DARS1: variants seen among roughly 807,000 people sequenced by gnomAD.
DARS1 encodes aspartate--tRNA ligase, cytoplasmic.
Under a neutral mutation model 68.8 loss-of-function variants are expected in DARS1, and 51 were observed. The observed-to-expected ratio is 0.74, with a 90% confidence interval of 0.59 to 0.94. The LOEUF (loss-of-function observed/expected upper bound fraction) is 0.94, where lower values mean the gene tolerates loss of function less well. Among genes scored for constraint, DARS1 ranks in the 40% least tolerant of loss-of-function variants. The pLI is 0.00. For synonymous variants in DARS1, 203 were observed against 190.4 expected, an observed-to-expected ratio of 1.07 and a Z score of -0.55; for missense variants, 607 against 597.3, an observed-to-expected ratio of 1.02 and a Z score of -0.17.
chr2:135,922,463 A>AT (rs2104801602), intron 9 of DARS1, among the ~76,000 whole-genome samples: 1 of 152,294 alleles, frequency 6.6e-6, no homozygotes, highest in South Asian at 2.1e-4. Flanking sequence ...CAAGAAACGC[A>AT]TTTTTAAAAT....
intron 5 of DARS1, among the ~76,000 whole-genome samples, chr2:135,942,543 T>A (rs1681625609): frequency 6.7e-6 from 1 of 148,620 alleles, no homozygotes. Flanking sequence ...TCAGGAGATA[T>A]ACCTAATGTA....
rs1380157174 is a variant in DARS1 at position 135,906,762 on chromosome 2, T to G, written c.*554A>C. Reference sequence around the variant, plus strand: ...ATTACACTGAATACTTTCTAACCAGTAGTTTAGCTTTACATAATTTCTAGG... The same window carrying G: ...ATTACACTGAATACTTTCTAACCAGGAGTTTAGCTTTACATAATTTCTAGG... On this transcript the variant is annotated 3_prime_UTR_variant, in exon 16 of 16. Coordinates refer to ENST00000264161, the MANE Select transcript of DARS1 (RefSeq NM_001349.4). 1 of 152,254 alleles carries G rather than the reference T, an allele frequency of 6.6e-6. No individual in the cohort carries two copies. Among genetic ancestry groups the G allele is most frequent in the Non-Finnish European group, 1.5e-5 (1 of 68,060 alleles). 9.4% of individuals were successfully genotyped at this position (152,254 alleles called of 1,614,324 possible).
chr2:135,914,454 T>C lies in DARS1; in HGVS notation c.1149+15A>G, dbSNP rs780107435. 33 of 1,209,534 alleles carry C rather than the reference T, an allele frequency of 2.7e-5. No homozygotes were observed. Among genetic ancestry groups the C allele is most frequent in the Non-Finnish European group, 3.6e-5 (29 of 810,652 alleles). The allele number at this position is 1,209,534 out of a possible 1,614,324, so 74.9% of individuals were successfully genotyped here. On this transcript the variant is annotated intron_variant, in intron 12 of 15. Coordinates refer to ENST00000264161, the MANE Select transcript of DARS1 (RefSeq NM_001349.4). ...CAGAATTAGAAAAAGAAATCCAGCA[T>C]ATAAAGAGTCCTACCTTTTCCTTTA...
intron 9 of DARS1, among the ~76,000 whole-genome samples, chr2:135,922,533 T>C (rs1681126089): frequency 6.6e-6 from 1 of 152,226 alleles, no homozygotes. Context: ...CATATGTTTA[T>C]AATTGTATTC....
chr2:135,928,260 C>A (rs888253608), intron 7 of DARS1, among the ~76,000 whole-genome samples: 1 of 152,176 alleles, frequency 6.6e-6, no homozygotes, highest in African/African-American at 2.4e-5. Context: ...TATCAGGTTA[C>A]AGAGATACTA....
chr2:135,927,577 AAAT>A (rs1446206681), intron 7 of DARS1, among the ~76,000 whole-genome samples: 3 of 152,136 alleles, frequency 2.0e-5, no homozygotes, highest in African/African-American at 4.8e-5. Flanking sequence ...TATGTAAAAA[AAAT>A]AATACTTCCT....
intron 5 of DARS1, among the ~76,000 whole-genome samples, chr2:135,934,483 A>G (rs1328319268): frequency 1.3e-5 from 2 of 151,944 alleles, no homozygotes; most frequent in Admixed American, 1.3e-4. Context: ...TTAGCCAGGC[A>G]TGGTGGCACG....
intron 4 of DARS1, among the ~76,000 whole-genome samples, chr2:135,951,682 G>A (rs1681842095): frequency 6.6e-6 from 1 of 152,170 alleles, no homozygotes; most frequent in Admixed American, 6.5e-5. Flanking sequence ...CGGCCATGCA[G>A]GAATATACAA....
chr2:135,961,298 G>A (rs1001851748), intron 4 of DARS1, 98 bp downstream of exon 4: 10 of 697,944 alleles, frequency 1.4e-5, no homozygotes, highest in Non-Finnish European at 2.1e-5. Context: ...TTAAACAAAC[G>A]AAGCATTGAT....
At chr2:135,974,408 A>G (rs1278862149) in intron 3 of DARS1, among the ~76,000 whole-genome samples, 2 of 152,242 alleles carry the variant, frequency 1.3e-5, no homozygotes, top group Admixed American at 6.5e-5. Flanking sequence ...ATTTCCAACA[A>G]ACACAAAAGC....
At position 135,985,540 on chromosome 2, in the gene DARS1, T is replaced by G. The variant is rs1178796286; in HGVS notation, c.-72A>C. The G allele has an allele frequency of 1.9e-6, 3 of 1,609,078 alleles. No individual in the cohort carries two copies. ...CCGTAAGGCAGGCCAAAGGGGCTTC[T>G]CCCTCCCTCCCAGTCTCCGCCCTCC... On this transcript the variant is annotated 5_prime_UTR_variant, in exon 1 of 16. Coordinates refer to ENST00000264161, the MANE Select transcript of DARS1 (RefSeq NM_001349.4).
intron 4 of DARS1, among the ~76,000 whole-genome samples, chr2:135,955,229 C>T (rs1681946234): frequency 6.6e-6 from 1 of 150,848 alleles, no homozygotes; most frequent in Non-Finnish European, 1.5e-5. Flanking sequence ...ATCCTTATAT[C>T]AACAAAAACT....
chr2:135,950,223 G>C (rs1390488906), intron 4 of DARS1, among the ~76,000 whole-genome samples: 2 of 152,136 alleles, frequency 1.3e-5, no homozygotes, highest in African/African-American at 4.8e-5. Flanking sequence ...CATTCAAAAT[G>C]GAAACGAAAC....
At chr2:135,961,548 G>A (rs1575402670) in intron 3 of DARS1, 50 bp from the exon 4 acceptor site, 2 of 945,672 alleles carry the variant, frequency 2.1e-6, no homozygotes, top group East Asian at 4.8e-5. Context: ...GCAACTTCAG[G>A]TTTTACAAAG....
intron 5 of DARS1, among the ~76,000 whole-genome samples, chr2:135,940,554 T>C (rs1010127056): frequency 3.3e-5 from 5 of 152,154 alleles, no homozygotes; most frequent in Non-Finnish European, 5.9e-5. Context: ...GCCAATATCA[T>C]ACTGAATGGT....
chr2:135,983,173 T>C (rs1327352674), intron 2 of DARS1, among the ~76,000 whole-genome samples: 1 of 152,188 alleles, frequency 6.6e-6, no homozygotes, highest in Non-Finnish European at 1.5e-5. Context: ...AACATACCAT[T>C]TAACCTACAA....
At chr2:135,917,433 A>G (rs1276571595) in intron 10 of DARS1, among the ~76,000 whole-genome samples, 1 of 152,126 alleles carries the variant, frequency 6.6e-6, no homozygotes, top group African/African-American at 2.4e-5. Flanking sequence ...GTATGTTTGT[A>G]TTTTATATAT....
intron 3 of DARS1, among the ~76,000 whole-genome samples, chr2:135,962,595 G>C (rs1283339784): frequency 6.6e-6 from 1 of 152,122 alleles, no homozygotes; most frequent in Non-Finnish European, 1.5e-5. Context: ...AAAAAAGACA[G>C]GTTGCAAACA....
In DARS1 at chr2:135,911,124, A is replaced by G. The variant is rs1211004047; in HGVS notation, c.1414+15T>C. The G allele has an allele frequency of 1.7e-6, 2 of 1,147,208 alleles. No individual in the cohort carries two copies. The highest frequency in any genetic ancestry group is 2.6e-6 in the Non-Finnish European group (2 of 758,716). The allele number at this position is 1,147,208 out of a possible 1,614,324, so 71.1% of individuals were successfully genotyped here. On this transcript the variant is annotated intron_variant, in intron 15 of 15. Coordinates refer to ENST00000264161, the MANE Select transcript of DARS1 (RefSeq NM_001349.4). ...GAACTTATGAACTTATTTGTAAGCA[A>G]TAACAGAATATTACCAATGCCTCCA... is the stretch of plus-strand genomic sequence containing the variant.
Sources: gnomAD v4.1 joint callset for allele counts (sites outside exome capture counted in the v4.1 genomes callset) on GRCh38, gnomAD v4.1.1 for gene constraint, MANE v1.5 for transcripts, NCBI Gene and HGNC (gene_info 2026-07-23, HGNC 2026-07-21) for gene names.